Variants in IFTAP observed in about 807,000 individuals in gnomAD.
IFTAP encodes intraflagellar transport associated protein, also known as intraflagellar transport-associated protein.
Under a neutral mutation model 19.4 loss-of-function variants are expected in IFTAP, and 19 were observed. The ratio of observed to expected loss-of-function variants is 0.98; its 90% confidence interval spans 0.68 to 1.44. The LOEUF (loss-of-function observed/expected upper bound fraction) is 1.44, where lower values mean the gene tolerates loss of function less well. Ranked by LOEUF, IFTAP falls within the 40% of genes most tolerant of loss-of-function variation. The pLI is 0.00. For missense variants in IFTAP, 240 were observed against 253.6 expected (o/e 0.95, Z 0.36); for synonymous variants, 85 against 83.5 (o/e 1.02, Z -0.10).
intron 4 of IFTAP, among the ~76,000 whole-genome samples, chr11:36,644,021 G>T (rs12292391): frequency 0.12 from 18,972 of 152,022 alleles, 1,683 homozygotes; most frequent in African/African-American, 0.25. Context: ...ACTAAAGAGC[G>T]TCTGCACAGC....
rs561002206 is a variant in IFTAP, at chr11:36,659,058, G to C, written c.538G>C (p.Glu180Gln). Residue 180 changes from glutamate to glutamine, a missense_variant, in exon 6 of 6, where the codon GAA (glutamate) becomes CAA (glutamine). Transcript: ENST00000334307. ...AGTTCAACTTTTTTCACTTGATGAA[G>C]AATTTGATTATGACAATGTGATGCT... is the stretch of plus-strand genomic sequence containing the variant. ...DEVQLFSLDE[E>Q]FDYDNVMLTS... 107 of 1,603,156 alleles carry C rather than the reference G, an allele frequency of 6.7e-5. No homozygotes were observed. The East Asian group carries it at 2.3e-3, about 34-fold the overall frequency.
At chr11:36,647,828 A>G (rs182965320) in intron 4 of IFTAP, among the ~76,000 whole-genome samples, 188 bp from the exon 5 acceptor site, 1 of 152,282 alleles carries the variant, frequency 6.6e-6, no homozygotes, top group East Asian at 1.9e-4. Context: ...TAAATGCACT[A>G]ATGGCTTCTA....
In IFTAP at chr11:36,648,081, T is replaced by A; in HGVS notation, c.424T>A (p.Phe142Ile). 6.2e-7 allele frequency: 1 copy of A among 1,613,482 alleles called. No individual in the cohort carries two copies. Reference sequence around the variant, plus strand: ...CACCAGCATTCCTTCCTGTATCCCTTTTGTGGCCCAGCCTCCTACCTGTGA... The same window carrying A: ...CACCAGCATTCCTTCCTGTATCCCTATTGTGGCCCAGCCTCCTACCTGTGA... Reference protein sequence around the residue: ...VSTSIPSCIPFVAQPPTCEVK... With the variant: ...VSTSIPSCIPIVAQPPTCEVK... The change falls in exon 5 of 6, where the codon TTT becomes ATT. Residue 142 changes from phenylalanine (F) to isoleucine (I), a missense_variant. Phe to Ile is a conservative substitution (Grantham distance 21, BLOSUM62 0). Coordinates refer to ENST00000334307, the MANE Select transcript of IFTAP (RefSeq NM_138787.4).
chr11:36,600,530 G>C (rs1851468069), intron 1 of IFTAP, among the ~76,000 whole-genome samples: 1 of 152,208 alleles, frequency 6.6e-6, no homozygotes, highest in South Asian at 2.1e-4. Flanking sequence ...GTTTCATCCT[G>C]AAACTGTCCC....
chr11:36,596,312 T>G (rs1249331613), intron 1 of IFTAP, among the ~76,000 whole-genome samples: 1 of 150,796 alleles, frequency 6.6e-6, no homozygotes, highest in East Asian at 2.0e-4. Flanking sequence ...TTCAGTCTAC[T>G]TGGGAGACTC....
intron 2 of IFTAP, among the ~76,000 whole-genome samples, chr11:36,613,925 T>C (rs979311657): frequency 2.6e-5 from 4 of 151,996 alleles, no homozygotes; most frequent in Non-Finnish European, 5.9e-5. Flanking sequence ...TTCTTTTTTT[T>C]TTTTAATTAT....
chr11:36,635,633 T>C (rs1852916344), intron 3 of IFTAP, among the ~76,000 whole-genome samples: 1 of 152,172 alleles, frequency 6.6e-6, no homozygotes, highest in African/African-American at 2.4e-5. Context: ...GAAAGCACGG[T>C]GTTATGACAG....
chr11:36,610,434 A>G (rs1851841477), intron 2 of IFTAP, among the ~76,000 whole-genome samples, 195 bp downstream of exon 2: 1 of 152,172 alleles, frequency 6.6e-6, no homozygotes, highest in African/African-American at 2.4e-5. Context: ...TCATACATCC[A>G]AGAGTTGTGT....
At chr11:36,611,030 G>A (rs1250081089) in intron 2 of IFTAP, among the ~76,000 whole-genome samples, 1 of 152,092 alleles carries the variant, frequency 6.6e-6, no homozygotes, top group Non-Finnish European at 1.5e-5. Context: ...GATCCAGTGA[G>A]AAGATCTGTT....
chr11:36,606,185 G>A (rs1469238163), intron 1 of IFTAP, among the ~76,000 whole-genome samples: 1 of 152,196 alleles, frequency 6.6e-6, no homozygotes, highest in South Asian at 2.1e-4. Flanking sequence ...AAGGCCACGC[G>A]CAGTGGCGCA....
At chr11:36,638,574 T>C (rs1182009598) in intron 4 of IFTAP, among the ~76,000 whole-genome samples, 1 of 152,234 alleles carries the variant, frequency 6.6e-6, no homozygotes, top group African/African-American at 2.4e-5. Context: ...ATTAAATAGT[T>C]GGTGCCAAGG....
At chr11:36,601,139 TAAC>T (rs1416312313) in intron 1 of IFTAP, among the ~76,000 whole-genome samples, 1 of 152,238 alleles carries the variant, frequency 6.6e-6, no homozygotes, top group Non-Finnish European at 1.5e-5. Context: ...CTCAGTGAGT[TAAC>T]AAGTGTTTGC....
At chr11:36,638,718 C>G (rs1391085590) in intron 4 of IFTAP, among the ~76,000 whole-genome samples, 1 of 152,178 alleles carries the variant, frequency 6.6e-6, no homozygotes, top group Non-Finnish European at 1.5e-5. Flanking sequence ...GGGAGGTTTA[C>G]TGATTAGATT....
chr11:36,653,520 C>T (rs779983464), intron 5 of IFTAP, among the ~76,000 whole-genome samples: 1 of 152,136 alleles, frequency 6.6e-6, no homozygotes, highest in Non-Finnish European at 1.5e-5. Flanking sequence ...AATCTAAAAA[C>T]CTTGGCATCT....
chr11:36,602,982 A>G (rs1851563734), intron 1 of IFTAP, among the ~76,000 whole-genome samples: 1 of 152,162 alleles, frequency 6.6e-6, no homozygotes, highest in African/African-American at 2.4e-5. Context: ...GTGAGTGGGG[A>G]GAGTTCAAAT....
chr11:36,602,785 G>A (rs531393643), intron 1 of IFTAP, among the ~76,000 whole-genome samples: 34 of 151,972 alleles, frequency 2.2e-4, no homozygotes, highest in African/African-American at 7.7e-4. Context: ...TTGTTAGGGG[G>A]TGAAGATAGG....
chr11:36,606,955 G>A (rs1851716027), intron 1 of IFTAP, among the ~76,000 whole-genome samples: 1 of 152,174 alleles, frequency 6.6e-6, no homozygotes, highest in Admixed American at 6.6e-5. Flanking sequence ...CTAAAGCCTG[G>A]TGGTGTTACA....
chr11:36,645,727 T>C (rs753220049), intron 4 of IFTAP, among the ~76,000 whole-genome samples: 2 of 152,194 alleles, frequency 1.3e-5, no homozygotes, highest in Non-Finnish European at 2.9e-5. Context: ...TCTTTAGAGT[T>C]AGAGCCATTC....
chr11:36,614,695 T>C (rs1031346412), intron 2 of IFTAP, among the ~76,000 whole-genome samples: 4 of 148,072 alleles, frequency 2.7e-5, no homozygotes, highest in African/African-American at 1.0e-4. Flanking sequence ...TTTCATGTGT[T>C]TTTTGGCTGC....
Sources: gnomAD v4.1 joint callset for allele counts (sites outside exome capture counted in the v4.1 genomes callset) on GRCh38, gnomAD v4.1.1 for gene constraint, MANE v1.5 for transcripts, NCBI Gene and HGNC (gene_info 2026-07-23, HGNC 2026-07-21) for gene names.